Variants in NELL1 observed in about 807,000 individuals in gnomAD.
NELL1 encodes protein kinase C-binding protein NELL1.
A neutral mutation model predicts 107.4 loss-of-function variants in NELL1; 76 were observed. That is an observed-to-expected ratio of 0.71 (90% CI 0.59 to 0.86). NELL1 has a LOEUF of 0.86. Among genes scored for constraint, NELL1 ranks in the 40% least tolerant of loss-of-function variants. The pLI is 0.00. For synonymous variants in NELL1, 353 were observed against 341.2 expected, an observed-to-expected ratio of 1.03 and a Z score of -0.38; for missense variants, 1,024 against 1,005.5, an observed-to-expected ratio of 1.02 and a Z score of -0.25.
At chr11:21,222,004 A>T (rs553084737) in intron 13 of NELL1, among the ~76,000 whole-genome samples, 1 of 152,004 alleles carries the variant, frequency 6.6e-6, no homozygotes, top group East Asian at 1.9e-4. Context: ...TAGTTGAATG[A>T]TTCTTTATAT....
chr11:20,872,308 G>T (rs945963602), intron 4 of NELL1, among the ~76,000 whole-genome samples: 1 of 151,664 alleles, frequency 6.6e-6, no homozygotes, highest in Non-Finnish European at 1.5e-5. Flanking sequence ...AGCCTCCTGG[G>T]TTACTGGGAC....
At chr11:21,284,032 G>A in intron 14 of NELL1, 1 of 362,768 alleles carries the variant, frequency 2.8e-6, no homozygotes, top group South Asian at 2.1e-5. Context: ...GTGTGCCTGT[G>A]GACTTTGAGG....
chr11:21,420,303 T>A (rs73459504), intron 15 of NELL1, among the ~76,000 whole-genome samples: 4,604 of 152,160 alleles, frequency 0.03, 248 homozygotes, highest in African/African-American at 0.1. Flanking sequence ...CATGGTAGAT[T>A]AAACAAATCC....
At chr11:21,091,978 G>A (rs1324111630) in intron 12 of NELL1, among the ~76,000 whole-genome samples, 2 of 152,210 alleles carry the variant, frequency 1.3e-5, no homozygotes, top group African/African-American at 2.4e-5. Flanking sequence ...TGAATCTCAA[G>A]ATGGATTTTG....
At chr11:20,821,825 T>C (rs2134025552) in intron 3 of NELL1, among the ~76,000 whole-genome samples, 1 of 152,352 alleles carries the variant, frequency 6.6e-6, no homozygotes, top group Non-Finnish European at 1.5e-5. Flanking sequence ...TACCAGGGCT[T>C]CTCTCTTGTT....
chr11:20,857,717 C>T (rs1294096206), intron 4 of NELL1, among the ~76,000 whole-genome samples: 1 of 152,172 alleles, frequency 6.6e-6, no homozygotes, highest in Non-Finnish European at 1.5e-5. Flanking sequence ...CTCCTTATGC[C>T]TGGGATTGAG....
chr11:21,533,928 T>TA (rs1288251133), intron 15 of NELL1, among the ~76,000 whole-genome samples: 2 of 152,180 alleles, frequency 1.3e-5, no homozygotes, highest in Non-Finnish European at 2.9e-5. Context: ...GGCTGTCATT[T>TA]AAAAAAATCA....
At chr11:21,154,325 TATTAA>T (rs1388336570) in intron 13 of NELL1, among the ~76,000 whole-genome samples, 1 of 152,218 alleles carries the variant, frequency 6.6e-6, no homozygotes, top group Non-Finnish European at 1.5e-5. Context: ...AGGATGGTGA[TATTAA>T]ATCTGGGCTG....
intron 14 of NELL1, among the ~76,000 whole-genome samples, chr11:21,352,368 G>C (rs1041600464): frequency 6.6e-6 from 1 of 152,110 alleles, no homozygotes; most frequent in East Asian, 1.9e-4. Context: ...AAGTGCTTAG[G>C]AGAGTACTTG....
In NELL1 at chr11:21,439,955, A is replaced by C. The variant is rs575292383; in HGVS notation, c.1645+69007A>C. Among the ~76,000 whole-genome samples the C allele has an allele frequency of 3.9e-5, 6 of 152,338 alleles. No individual in the cohort carries two copies. In the South Asian group the frequency reaches 1.2e-3, roughly 32 times the overall value. ...AAGCCAGACATTCTTGCAGATAAAG[A>C]AAATAATGAGAAATATTACCTGCCT... On this transcript the variant is annotated intron_variant, in intron 15 of 19. Coordinates refer to ENST00000357134, the MANE Select transcript of NELL1 (RefSeq NM_006157.5).
chr11:20,749,234 G>A (rs1171760935), intron 2 of NELL1, among the ~76,000 whole-genome samples: 2 of 152,032 alleles, frequency 1.3e-5, no homozygotes, highest in African/African-American at 4.8e-5. Flanking sequence ...GACTATGGCG[G>A]GCGAGAAATT....
At chr11:21,306,735 G>C (rs138529951) in intron 14 of NELL1, among the ~76,000 whole-genome samples, 59 of 152,166 alleles carry the variant, frequency 3.9e-4, no homozygotes, top group Admixed American at 1.3e-3. Flanking sequence ...AAGGTACACG[G>C]AAACTATCCA....
At position 21,224,623 on chromosome 11, in the gene NELL1, T is replaced by G. The variant is rs548927242; in HGVS notation, c.1427-4709T>G. Among the ~76,000 whole-genome samples the G allele has an allele frequency of 2.4e-3, 359 of 152,324 alleles. 1 individual carries two copies. The highest frequency in any genetic ancestry group is 7.5e-3 in the African/African-American group (310 of 41,574). On this transcript the variant is annotated intron_variant, in intron 13 of 19. Transcript: ENST00000357134. ...TGTTTACTTAATGGTGGCCCATATG[T>G]CCTTTTAGGCTTAATTTATTCTTTT...
At chr11:20,707,258 T>G (rs1160353257) in intron 2 of NELL1, among the ~76,000 whole-genome samples, 1 of 152,174 alleles carries the variant, frequency 6.6e-6, no homozygotes, top group Non-Finnish European at 1.5e-5. Flanking sequence ...AGTTAGCCAT[T>G]CATCTAATCT....
chr11:21,398,584 A>AAACTTTC (rs1852030513), intron 15 of NELL1, among the ~76,000 whole-genome samples: 1 of 151,662 alleles, frequency 6.6e-6, no homozygotes, highest in Non-Finnish European at 1.5e-5. Flanking sequence ...AAGGGCCCAG[A>AAACTTTC]TAAGACCTCA....
chr11:21,025,687 T>G (rs1261505081), intron 12 of NELL1, among the ~76,000 whole-genome samples: 1 of 152,148 alleles, frequency 6.6e-6, no homozygotes. Flanking sequence ...TTCTGTGGTT[T>G]TAGATAGCAT....
At chr11:21,559,347 T>C (rs1856797466) in intron 16 of NELL1, among the ~76,000 whole-genome samples, 1 of 151,892 alleles carries the variant, frequency 6.6e-6, no homozygotes, top group Admixed American at 6.6e-5. Flanking sequence ...AAAGGTGGAG[T>C]CAGGTATTTT....
chr11:21,068,058 A>AG (rs1853920888), intron 12 of NELL1, among the ~76,000 whole-genome samples: 2 of 150,756 alleles, frequency 1.3e-5, no homozygotes, highest in East Asian at 3.9e-4. Flanking sequence ...AAAAAAAAAA[A>AG]AGACCTCTAT....
rs16907607 is a variant in NELL1 at position 21,170,311 on chromosome 11, C to G, written c.1426+56597C>G. Among the ~76,000 whole-genome samples, 370 of 151,742 alleles carry G rather than the reference C, an allele frequency of 2.4e-3. 11 individuals carry two copies. Among genetic ancestry groups the G allele is most frequent in the African/African-American group, 8.5e-3 (349 of 41,114 alleles). On this transcript the variant is annotated intron_variant, in intron 13 of 19. Transcript: ENST00000357134. The stretch of plus-strand genomic sequence containing the variant: ...TGTAGCTCTCTCTTATATTGCTTGT[C>G]TATGAGGCTGTGATGAGAGAATTTG...
Sources: allele counts gnomAD v4.1 joint callset (sites outside exome capture counted in the v4.1 genomes callset), GRCh38; gene constraint gnomAD v4.1.1; transcripts MANE v1.5; gene names NCBI Gene and HGNC (gene_info 2026-07-23, HGNC 2026-07-21).